Variants in MYO1D observed in about 807,000 individuals in gnomAD.
MYO1D encodes the protein myosin ID, also known as unconventional myosin-Id.
In MYO1D, 83 loss-of-function variants were observed where a neutral mutation model predicts 122.0. That is an observed-to-expected ratio of 0.68 (90% confidence interval 0.57 to 0.82). MYO1D has a LOEUF of 0.82. Ranked by LOEUF, MYO1D falls within the 40% of genes least tolerant of loss-of-function variation. MYO1D has a pLI of 0.00. For synonymous variants in MYO1D, 464 were observed against 446.9 expected, an observed-to-expected ratio of 1.04 and a Z score of -0.48; for missense variants, 1,157 against 1,269.5, an observed-to-expected ratio of 0.91 and a Z score of 1.35.
At chr17:32,662,090 C>T (rs1193818103) in intron 16 of MYO1D, among the ~76,000 whole-genome samples, 1 of 152,138 alleles carries the variant, frequency 6.6e-6, no homozygotes, top group African/African-American at 2.4e-5. Flanking sequence ...TTGTCAGGCA[C>T]ATTAACTGAA....
At chr17:32,547,805 C>T (rs1336202576) in intron 21 of MYO1D, among the ~76,000 whole-genome samples, 4 of 151,866 alleles carry the variant, frequency 2.6e-5, no homozygotes, top group Non-Finnish European at 5.9e-5. Flanking sequence ...CAAAAATTAG[C>T]CGGGCGTGGT....
intron 3 of MYO1D, among the ~76,000 whole-genome samples, chr17:32,777,094 A>G (rs1334737353): frequency 6.6e-6 from 1 of 152,136 alleles, no homozygotes; most frequent in Non-Finnish European, 1.5e-5. Flanking sequence ...TTACTCTACT[A>G]TTGTAGGTGT....
At chr17:32,546,023 C>A (rs983266406) in intron 21 of MYO1D, among the ~76,000 whole-genome samples, 1 of 152,044 alleles carries the variant, frequency 6.6e-6, no homozygotes, top group Non-Finnish European at 1.5e-5. Context: ...TCATATGATT[C>A]TTTCACACTC....
At chr17:32,576,263 C>T (rs1228057499) in intron 21 of MYO1D, among the ~76,000 whole-genome samples, 1 of 152,156 alleles carries the variant, frequency 6.6e-6, no homozygotes, top group African/African-American at 2.4e-5. Flanking sequence ...TTGTAAACTA[C>T]AAGGTTTTAT....
intron 15 of MYO1D, among the ~76,000 whole-genome samples, chr17:32,715,576 T>C (rs2089434138): frequency 6.6e-6 from 1 of 152,164 alleles, no homozygotes; most frequent in African/African-American, 2.4e-5. Context: ...GACCTGGACT[T>C]CTTTCTATGT....
chr17:32,702,478 C>A (rs1015565629), intron 16 of MYO1D, among the ~76,000 whole-genome samples: 1 of 151,706 alleles, frequency 6.6e-6, no homozygotes, highest in Non-Finnish European at 1.5e-5. Flanking sequence ...TAGCTTGAGG[C>A]TTTTTTTTCC....
chr17:32,816,846 G>C (rs757681038), intron 1 of MYO1D, among the ~76,000 whole-genome samples: 4 of 152,078 alleles, frequency 2.6e-5, no homozygotes, highest in Admixed American at 1.3e-4. Flanking sequence ...ACAGGATTTA[G>C]TCTTTCTTCC....
At chr17:32,589,220 G>A (rs2087417087) in intron 21 of MYO1D, among the ~76,000 whole-genome samples, 1 of 152,214 alleles carries the variant, frequency 6.6e-6, no homozygotes, top group Non-Finnish European at 1.5e-5. Context: ...GGGCTTGGAT[G>A]TTTCAGGTCC....
intron 1 of MYO1D, among the ~76,000 whole-genome samples, chr17:32,872,427 C>T (rs913708328): frequency 6.6e-6 from 1 of 151,970 alleles, no homozygotes; most frequent in African/African-American, 2.4e-5. Context: ...CACCCACCAC[C>T]ACGCCTGGCT....
At chr17:32,607,198 GAAGAAA>G (rs1319308090) in intron 20 of MYO1D, among the ~76,000 whole-genome samples, 1 of 151,902 alleles carries the variant, frequency 6.6e-6, no homozygotes, top group East Asian at 1.9e-4. Flanking sequence ...GATTGAAAAG[GAAGAAA>G]CACATGTCTC....
At chr17:32,556,111 G>A (rs1161087539) in intron 21 of MYO1D, among the ~76,000 whole-genome samples, 4 of 152,198 alleles carry the variant, frequency 2.6e-5, no homozygotes, top group Admixed American at 2.6e-4. Context: ...GTCTAACCCA[G>A]GGCCTTGCAC....
chr17:32,580,408 A>AT lies in MYO1D; in HGVS notation c.2864+24678dup, dbSNP rs570107348. Among the ~76,000 whole-genome samples, 422 of 74,794 alleles carry AT rather than the reference A, an allele frequency of 5.6e-3. 21 individuals carry two copies. The highest frequency in any genetic ancestry group is 0.011 in the African/African-American group (174 of 15,594). 49.1% of individuals were successfully genotyped at this position (74,794 alleles called of 152,430 possible). ...TTTTTTCAGTTTGTTTATCTGGTGA[A>AT]TTTTTTTTTTTTTTTTTTTGAGTCA... On this transcript the variant is annotated intron_variant, in intron 21 of 21. Transcript: ENST00000318217.
chr17:32,736,208 A>C (rs902760270), intron 14 of MYO1D, among the ~76,000 whole-genome samples: 2 of 152,150 alleles, frequency 1.3e-5, no homozygotes, highest in African/African-American at 4.8e-5. Context: ...TGGATTGGGA[A>C]GCTGTAGCAG....
At chr17:32,821,275 G>T (rs534497178) in intron 1 of MYO1D, among the ~76,000 whole-genome samples, 1 of 152,214 alleles carries the variant, frequency 6.6e-6, no homozygotes, top group South Asian at 2.1e-4. Context: ...ATTAAGCTGG[G>T]GGGAAAATGA....
chr17:32,755,649 T>C lies in MYO1D; in HGVS notation c.1310A>G (p.Asn437Ser). 6.2e-7 allele frequency: 1 copy of C among 1,613,286 alleles called. No homozygotes were observed. Among genetic ancestry groups the C allele is most frequent in the Non-Finnish European group, 8.5e-7 (1 of 1,179,566 alleles). ...GIPWKHIDYF[N>S]NQIIVDLVEQ... ...CACGAGGTCAACAATGATCTGATTG[T>C]TGAAGTAGTCAATCTGTAGGACACA... is the stretch of plus-strand genomic sequence containing the variant. The change falls in exon 11 of 22, where the codon AAC becomes AGC. Residue 437 changes from asparagine to serine, a missense_variant. Transcript: ENST00000318217.
At chr17:32,577,635 CA>C (rs146464126) in intron 21 of MYO1D, among the ~76,000 whole-genome samples, 14,346 of 139,182 alleles carry the variant, frequency 0.1, 2,064 homozygotes, top group African/African-American at 0.33. Context: ...AGTCTAGTCA[CA>C]AAAAAAAAAG....
intron 10 of MYO1D, among the ~76,000 whole-genome samples, chr17:32,756,611 A>C (rs893246009): frequency 4.9e-4 from 74 of 151,986 alleles, no homozygotes; most frequent in African/African-American, 1.7e-3. Flanking sequence ...TTTTAGTTAC[A>C]TGACCCTGAA....
At chr17:32,820,625 C>T (rs772525004) in intron 1 of MYO1D, among the ~76,000 whole-genome samples, 17 of 152,020 alleles carry the variant, frequency 1.1e-4, no homozygotes, top group Non-Finnish European at 2.2e-4. Flanking sequence ...TAACCTCATA[C>T]AATTATGACC....
At chr17:32,560,062 C>T (rs2087104009) in intron 21 of MYO1D, among the ~76,000 whole-genome samples, 1 of 152,176 alleles carries the variant, frequency 6.6e-6, no homozygotes, top group South Asian at 2.1e-4. Context: ...CAAGACCAGC[C>T]TGACCAACAT....
Sources: allele counts gnomAD v4.1 joint callset (sites outside exome capture counted in the v4.1 genomes callset), GRCh38; gene constraint gnomAD v4.1.1; transcripts MANE v1.5; gene names NCBI Gene and HGNC (gene_info 2026-07-23, HGNC 2026-07-21).